The following FAM135B variants were observed in gnomAD, a reference collection of about 807,000 sequenced individuals.
FAM135B encodes the protein family with sequence similarity 135 member B.
Under a neutral mutation model 127.7 loss-of-function variants are expected in FAM135B, and 43 were observed. The observed-to-expected ratio is 0.34, with a 90% confidence interval of 0.26 to 0.43. The LOEUF (loss-of-function observed/expected upper bound fraction) is 0.43, where lower values mean the gene tolerates loss of function less well. Among genes scored for constraint, FAM135B ranks in the 20% least tolerant of loss-of-function variants. FAM135B has a pLI of 1.00. For missense variants in FAM135B, 1,558 were observed against 1,725.6 expected (o/e 0.90, Z 1.72); for synonymous variants, 670 against 665.1 (o/e 1.01, Z -0.11).
chr8:138,449,987 T>C (rs961090965), intron 1 of FAM135B, among the ~76,000 whole-genome samples: 1 of 152,174 alleles, frequency 6.6e-6, no homozygotes, highest in Admixed American at 6.5e-5. Context: ...TACAGAGTAG[T>C]TTCACTGCCC....
At chr8:138,407,995 T>C (rs934681083) in intron 1 of FAM135B, among the ~76,000 whole-genome samples, 1 of 152,218 alleles carries the variant, frequency 6.6e-6, no homozygotes, top group African/African-American at 2.4e-5. Flanking sequence ...TAAACCATAC[T>C]ATAAATAGAT....
rs1467381005 is a variant in FAM135B at position 138,151,312 on chromosome 8, C to A, written c.3163G>T (p.Ala1055Ser). The change falls in exon 13 of 20, where the codon GCT (alanine) becomes TCT (serine). Residue 1055 changes from alanine to serine, a missense_variant. Physicochemically the swap from Ala to Ser is moderately conservative, Grantham distance 99 (BLOSUM62 1). Coordinates refer to ENST00000395297, the MANE Select transcript of FAM135B (RefSeq NM_015912.4). ...SSVPKETPAR[A>S]GFSSKQTLFP... is the part of the protein sequence containing the mutation. ...AGGGTCTGTTTGGAAGAGAATCCAG[C>A]CCTGGCAGGGGTCTCCTTGGGCACA... 1.9e-6 allele frequency: 3 copies of A among 1,613,958 alleles called. No individual in the cohort carries two copies. Among genetic ancestry groups the A allele is most frequent in the Non-Finnish European group, 2.5e-6 (3 of 1,179,990 alleles).
At chr8:138,495,663 C>T (rs888601072) in intron 1 of FAM135B, among the ~76,000 whole-genome samples, 1 of 152,146 alleles carries the variant, frequency 6.6e-6, no homozygotes, top group Non-Finnish European at 1.5e-5. Context: ...TGCTATCTTC[C>T]TTCTTCCGGG....
intron 1 of FAM135B, among the ~76,000 whole-genome samples, chr8:138,496,087 C>T (rs541433807): frequency 3.0e-4 from 46 of 152,318 alleles, no homozygotes; most frequent in Non-Finnish European, 5.1e-4. Flanking sequence ...ACATGATACT[C>T]CTGTGTCCCA....
intron 1 of FAM135B, among the ~76,000 whole-genome samples, chr8:138,469,774 G>A (rs1317845626): frequency 3.3e-5 from 5 of 152,196 alleles, no homozygotes; most frequent in Admixed American, 3.3e-4. Context: ...GAGAAGAAGG[G>A]CTGGGGATTT....
chr8:138,398,896 T>G (rs1832994826), intron 1 of FAM135B, among the ~76,000 whole-genome samples: 1 of 152,164 alleles, frequency 6.6e-6, no homozygotes, highest in Non-Finnish European at 1.5e-5. Flanking sequence ...GGAAAATTAT[T>G]TGACAAACTC....
At chr8:138,405,641 C>G in intron 1 of FAM135B, among the ~76,000 whole-genome samples, 1 of 152,098 alleles carries the variant, frequency 6.6e-6, no homozygotes, top group Non-Finnish European at 1.5e-5. Context: ...GGTTCCAAAT[C>G]TTTGCTATTG....
intron 2 of FAM135B, chr8:138,367,538 A>G (rs899796259): frequency 1.3e-5 from 6 of 449,120 alleles, no homozygotes; most frequent in Non-Finnish European, 1.3e-5. Flanking sequence ...GGCCTGCATC[A>G]GCATCAGTAT....
intron 1 of FAM135B, among the ~76,000 whole-genome samples, chr8:138,371,200 A>G (rs955311092): frequency 6.6e-6 from 1 of 152,242 alleles, no homozygotes; most frequent in African/African-American, 2.4e-5. Flanking sequence ...GAAGAGCAAG[A>G]GTACCTACCC....
intron 1 of FAM135B, among the ~76,000 whole-genome samples, chr8:138,471,829 T>G (rs1837691159): frequency 6.6e-6 from 1 of 151,988 alleles, no homozygotes; most frequent in Admixed American, 6.6e-5. Flanking sequence ...GAATTAGAGA[T>G]AACGTACACC....
At chr8:138,226,640 C>T (rs563981464) in intron 7 of FAM135B, among the ~76,000 whole-genome samples, 3 of 152,268 alleles carry the variant, frequency 2.0e-5, no homozygotes, top group South Asian at 2.1e-4. Context: ...CAGCTCACTG[C>T]AACCACCACC....
chr8:138,181,515 G>A (rs1440835649), intron 9 of FAM135B, among the ~76,000 whole-genome samples: 1 of 151,976 alleles, frequency 6.6e-6, no homozygotes, highest in East Asian at 1.9e-4. Context: ...CAACCTGCTG[G>A]CAGTGGGCTG....
intron 1 of FAM135B, among the ~76,000 whole-genome samples, chr8:138,413,879 C>A (rs1465324171): frequency 6.7e-6 from 1 of 148,784 alleles, no homozygotes; most frequent in Non-Finnish European, 1.5e-5. Flanking sequence ...GCAGAATAAA[C>A]CTGGGGGGGT....
chr8:138,434,508 C>T, intron 1 of FAM135B, among the ~76,000 whole-genome samples: 1 of 152,132 alleles, frequency 6.6e-6, no homozygotes, highest in East Asian at 1.9e-4. Context: ...TAGTAAGCAT[C>T]ACAAGGTAGG....
intron 3 of FAM135B, among the ~76,000 whole-genome samples, chr8:138,269,650 C>T (rs775071161): frequency 6.6e-5 from 10 of 152,132 alleles, no homozygotes; most frequent in Middle Eastern, 3.2e-3. Flanking sequence ...AGAAAATGCT[C>T]CTGTAGTAAG....
chr8:138,138,398 G>A (rs1056427560), intron 18 of FAM135B, among the ~76,000 whole-genome samples: 1 of 152,252 alleles, frequency 6.6e-6, no homozygotes, highest in Admixed American at 6.5e-5. Flanking sequence ...TGTGTGGTGG[G>A]ACTGAGCAGG....
chr8:138,250,299 G>A (rs1331377538), intron 6 of FAM135B, among the ~76,000 whole-genome samples: 5 of 152,220 alleles, frequency 3.3e-5, no homozygotes, highest in Non-Finnish European at 7.3e-5. Flanking sequence ...GTTGCAGCAA[G>A]CCGAGGTGGT....
chr8:138,447,802 T>TATA (rs1836270175), intron 1 of FAM135B, among the ~76,000 whole-genome samples: 1 of 115,886 alleles, frequency 8.6e-6, no homozygotes, highest in Non-Finnish European at 1.7e-5. Flanking sequence ...GAACTTAAAG[T>TATA]ATAATAATAA....
rs373220008 is a variant in FAM135B, at chr8:138,143,218, C to T, written c.3541-109G>A. ...CACTGTGGCGCCTACTGGGGATGTG[C>T]CTACCTCTGATGTTACGGCTACAGG... On this transcript the variant is annotated intron_variant, in intron 15 of 19. Transcript: ENST00000395297. The T allele has an allele frequency of 9.5e-5, 63 of 659,960 alleles. No individual in the cohort carries two copies. In the African/African-American group the frequency reaches 1.1e-3, roughly 11 times the overall value. The allele number at this position is 659,960 out of a possible 1,614,324, so 40.9% of individuals were successfully genotyped here.
Sources: gnomAD v4.1 joint callset for allele counts (sites outside exome capture counted in the v4.1 genomes callset) on GRCh38, gnomAD v4.1.1 for gene constraint, MANE v1.5 for transcripts, NCBI Gene and HGNC (gene_info 2026-07-23, HGNC 2026-07-21) for gene names.